The following KRT28 variants were observed in gnomAD, a reference collection of about 807,000 sequenced individuals.
KRT28 encodes the protein keratin 28, also known as keratin, type I cytoskeletal 28.
In KRT28, 45 loss-of-function variants were observed where a neutral mutation model predicts 48.1. That is an observed-to-expected ratio of 0.94 (90% confidence interval 0.74 to 1.20). The LOEUF is 1.20. Among genes scored for constraint, KRT28 ranks in the 50% most tolerant of loss-of-function variants. KRT28 has a pLI of 0.00. For missense variants in KRT28, 571 were observed against 574.1 expected (o/e 0.99, Z 0.06); for synonymous variants, 228 against 227.4 (o/e 1.00, Z -0.03).
chr17:40,798,316 C>G lies in KRT28; in HGVS notation c.609G>C (p.Leu203=), dbSNP rs979422095. The G allele has an allele frequency of 6.2e-7, 1 of 1,613,632 alleles. No individual in the cohort carries two copies. The highest frequency in any genetic ancestry group is 8.5e-7 in the Non-Finnish European group (1 of 1,179,720). The stretch of plus-strand genomic sequence containing the variant: ...GCTCCTGGTCGGTCCTGCAGAGCGT[C>G]AGCTCGTCCAGGACTCGCCGTAATC... ...INGLRRVLDE[L]TLCRTDQELQ... The change falls in exon 3 of 8, where the codon CTG becomes CTC. Residue 203 remains leucine, a synonymous_variant. Coordinates refer to ENST00000306658, the MANE Select transcript of KRT28 (RefSeq NM_181535.3).
In KRT28 at chr17:40,793,229, T is replaced by G; in HGVS notation, c.1197-19A>C. On this transcript the variant is annotated intron_variant, in intron 6 of 7. Coordinates refer to ENST00000306658, the MANE Select transcript of KRT28 (RefSeq NM_181535.3). ...GCATGAACTGTAAAAGAAATATAGT[T>G]TATTCTTTTATATTTCTGCTTACTA... is the stretch of plus-strand genomic sequence containing the variant. The G allele has an allele frequency of 6.9e-7, 1 of 1,445,544 alleles. No individual in the cohort carries two copies. Among genetic ancestry groups the G allele is most frequent in the Non-Finnish European group, 9.3e-7 (1 of 1,075,342 alleles). 89.5% of individuals were successfully genotyped at this position (1,445,544 alleles called of 1,614,324 possible). A position where few individuals can be genotyped will look rare whatever the true frequency, so the allele number is the denominator to read the frequency against.
chr17:40,794,614 T>G (rs1353610767), intron 5 of KRT28, among the ~76,000 whole-genome samples: 2 of 152,316 alleles, frequency 1.3e-5, no homozygotes, highest in Middle Eastern at 3.4e-3. Flanking sequence ...AAGAGCTATA[T>G]CTCATAACAC....
intron 7 of KRT28, 81 bp from the exon 8 acceptor site, chr17:40,792,650 T>C: frequency 9.6e-7 from 1 of 1,037,072 alleles, no homozygotes; most frequent in South Asian, 1.7e-5. Context: ...TATAATATAT[T>C]ATGCATATTT....
At position 40,798,235 on chromosome 17, in the gene KRT28, C is replaced by T; in HGVS notation, c.690G>A (p.Glu230=). Residue 230 remains glutamate, a splice_region_variant and synonymous_variant, in exon 3 of 8, where the codon GAG becomes GAA. Transcript: ENST00000306658. ...EMTYLKKNHE[E]EMKALQCAAG... ...GGACTACAGGTAAAGCTTCTCCTAC[C>T]TCTTCGTGGTTCTTTTTGAGATATG... The T allele has an allele frequency of 6.2e-7, 1 of 1,601,374 alleles. No individual in the cohort carries two copies. Among genetic ancestry groups the T allele is most frequent in the Non-Finnish European group, 8.6e-7 (1 of 1,169,306 alleles).
chr17:40,793,132 G>T (rs1022603664), intron 7 of KRT28, 23 bp downstream of exon 7: 4 of 1,478,520 alleles, frequency 2.7e-6, no homozygotes, highest in Non-Finnish European at 2.7e-6. Flanking sequence ...GAAAAGAAAA[G>T]AAATAGAACT....
intron 3 of KRT28, among the ~76,000 whole-genome samples, chr17:40,797,654 CAGG>C (rs565055366): frequency 3.2e-4 from 48 of 152,210 alleles, no homozygotes; most frequent in African/African-American, 1.2e-3. Flanking sequence ...GAGGCTGAGG[CAGG>C]AGAATTGCTT....
chr17:40,794,753 T>C (rs1904574183), intron 5 of KRT28, among the ~76,000 whole-genome samples: 1 of 152,254 alleles, frequency 6.6e-6, no homozygotes, highest in South Asian at 2.1e-4. Flanking sequence ...TTTCCCTTAT[T>C]ATAGATAAAT....
Position 40,797,206 on chromosome 17 carries a change from C to G in KRT28, c.766G>C (p.Ala256Pro). Reference protein sequence around the residue: ...EMNAAPGVDLAVLLNNMRAEY... With the variant: ...EMNAAPGVDLPVLLNNMRAEY... ...GCTCGCATGTTGTTCAACAAAACCG[C>G]GAGGTCTACCCCCGGGGCCGCGTTC... Residue 256 changes from alanine (A) to proline (P), a missense_variant, in exon 4 of 8, where the codon GCG becomes CCG. Ala to Pro is a conservative substitution (Grantham distance 27). Coordinates refer to ENST00000306658, the MANE Select transcript of KRT28 (RefSeq NM_181535.3). 6.2e-7 allele frequency: 1 copy of G among 1,614,148 alleles called. No individual in the cohort carries two copies. Among genetic ancestry groups the G allele is most frequent in the Non-Finnish European group, 8.5e-7 (1 of 1,180,018 alleles).
chr17:40,796,585 G>A (rs1904618056), intron 5 of KRT28, among the ~76,000 whole-genome samples: 1 of 152,186 alleles, frequency 6.6e-6, no homozygotes, highest in Non-Finnish European at 1.5e-5. Context: ...TCATAGACCT[G>A]TGGCTAATTT....
chr17:40,793,217 A>G lies in KRT28; in HGVS notation c.1197-7T>C. 2 of 1,524,032 alleles carry G rather than the reference A, an allele frequency of 1.3e-6. No individual in the cohort carries two copies. Among genetic ancestry groups the G allele is most frequent in the Non-Finnish European group, 8.9e-7 (1 of 1,128,944 alleles). The allele number at this position is 1,524,032 out of a possible 1,614,324, so 94.4% of individuals were successfully genotyped here. Reference sequence around the variant, plus strand: ...CTTTGATTTGGAGCATGAACTGTAAAAGAAATATAGTTTATTCTTTTATAT... The same window carrying G: ...CTTTGATTTGGAGCATGAACTGTAAGAGAAATATAGTTTATTCTTTTATAT... On this transcript the variant is annotated splice_region_variant and splice_polypyrimidine_tract_variant and intron_variant, in intron 6 of 7. Transcript: ENST00000306658.
Position 40,799,908 on chromosome 17 carries a change from T to C in KRT28, c.-15A>G, listed in dbSNP as rs1230164435. The C allele has an allele frequency of 1.3e-6, 2 of 1,581,260 alleles. No homozygotes were observed. The highest frequency in any genetic ancestry group is 3.4e-5 in the Admixed American group (2 of 59,512). ...TGGAGAGACATGGTGTTTTGAGAAA[T>C]GTTCACCTTGTCTATGCAAAACTGT... On this transcript the variant is annotated 5_prime_UTR_variant, in exon 1 of 8. Coordinates refer to ENST00000306658, the MANE Select transcript of KRT28 (RefSeq NM_181535.3).
chr17:40,799,051 T>C (rs753603928), intron 1 of KRT28, 52 bp from the exon 2 acceptor site: 1 of 1,079,604 alleles, frequency 9.3e-7, no homozygotes, highest in Admixed American at 2.3e-5. Flanking sequence ...TTTTATGTGA[T>C]TCATTATTTC....
At position 40,795,710 on chromosome 17, in the gene KRT28, A is replaced by G. The variant is rs185180964; in HGVS notation, c.978+1206T>C. Among the ~76,000 whole-genome samples the G allele has an allele frequency of 5.9e-5, 9 of 152,288 alleles. No homozygotes were observed. In the East Asian group the frequency reaches 1.7e-3, roughly 29 times the overall value. Reference sequence around the variant, plus strand: ...TAGTACCACTGGCTGCACAGACTCTAACTACTTTATAACATCCTTGTTTCT... The same window carrying G: ...TAGTACCACTGGCTGCACAGACTCTGACTACTTTATAACATCCTTGTTTCT... On this transcript the variant is annotated intron_variant, in intron 5 of 7. Coordinates refer to ENST00000306658, the MANE Select transcript of KRT28 (RefSeq NM_181535.3).
chr17:40,794,020 T>C lies in KRT28; in HGVS notation c.1005A>G (p.Thr335=), dbSNP rs2250671. 0.59 allele frequency: 955,685 copies of C among 1,613,664 alleles called. 286,845 individuals carry two copies. The highest frequency in any genetic ancestry group is 0.78 in the African/African-American group (58,326 of 74,942). The change falls in exon 6 of 8, where the codon ACA becomes ACG. Residue 335 remains threonine, a synonymous_variant. Transcript: ENST00000306658. ...GCGTACAGTAGTTGCTCTCGGTCTCTGTCAAGGAGCACTCCAGGGAGTGTT... is the reference window on the plus strand; with the variant it reads ...GCGTACAGTAGTTGCTCTCGGTCTCCGTCAAGGAGCACTCCAGGGAGTGTT... ...ATKHSLECSL[T]ETESNYCTQL...
In KRT28 at chr17:40,798,082, G is replaced by T. The variant is rs146657549; in HGVS notation, c.690+153C>A. 1.4e-3 allele frequency among the ~76,000 whole-genome samples: 220 copies of T among 152,230 alleles called. 3 individuals carry two copies. The highest frequency in any genetic ancestry group is 5.1e-3 in the African/African-American group (212 of 41,526). Reference sequence around the variant, plus strand: ...CATTGAAGCCTTTTAACATCCCCTCGTAGTAGGTAGTATTATTAGACTAAT... The same window carrying T: ...CATTGAAGCCTTTTAACATCCCCTCTTAGTAGGTAGTATTATTAGACTAAT... On this transcript the variant is annotated intron_variant, in intron 3 of 7. Coordinates refer to ENST00000306658, the MANE Select transcript of KRT28 (RefSeq NM_181535.3).
chr17:40,795,790 C>T (rs771806198), intron 5 of KRT28, among the ~76,000 whole-genome samples: 9 of 152,162 alleles, frequency 5.9e-5, no homozygotes, highest in Admixed American at 2.6e-4. Flanking sequence ...TTTCCATCAG[C>T]GTAGCTCAGA....
chr17:40,797,009 G>C lies in KRT28; in HGVS notation c.885C>G (p.Asp295Glu), dbSNP rs1470984933. The C allele has an allele frequency of 1.2e-6, 2 of 1,613,092 alleles. No individual in the cohort carries two copies. Among genetic ancestry groups the C allele is most frequent in the South Asian group, 1.1e-5 (1 of 91,026 alleles). ...TCCGGGCGAAAGTGGCTGCGCCTGA[G>C]TCGTGGGAGATCTGTTGCTGCAGCG... ...SASLQQQISH[D>E]SGAATFARSQ... Residue 295 changes from aspartate to glutamate, a missense_variant, in exon 5 of 8, where the codon GAC (aspartate) becomes GAG (glutamate). By Grantham distance (45) the Asp-to-Glu change is conservative. Coordinates refer to ENST00000306658, the MANE Select transcript of KRT28 (RefSeq NM_181535.3).
rs772171100 is a variant in KRT28, at chr17:40,798,328, G to C, written c.597C>G (p.Val199=). Residue 199 remains valine (V), a synonymous_variant, in exon 3 of 8, where the codon GTC becomes GTG. Transcript: ENST00000306658. ...VEADINGLRR[V]LDELTLCRTD... is the part of the protein sequence containing the mutation. ...TCCTGCAGAGCGTCAGCTCGTCCAG[G>C]ACTCGCCGTAATCCGTTGATGTCGG... The C allele has an allele frequency of 4.3e-6, 7 of 1,613,312 alleles. No homozygotes were observed. The African/African-American group carries it at 9.3e-5, about 22-fold the overall frequency.
chr17:40,797,176 A>G lies in KRT28; in HGVS notation c.796T>C (p.Tyr266His), dbSNP rs1280347999. ...AVLLNNMRAE[Y>H]EALAEQNRKD... is the part of the protein sequence containing the mutation. ...CGGTTCTGCTCTGCAAGGGCTTCGT[A>G]CTCCGCTCGCATGTTGTTCAACAAA... The change falls in exon 4 of 8, where the codon TAC becomes CAC. Residue 266 changes from tyrosine (Y) to histidine (H), a missense_variant. Coordinates refer to ENST00000306658, the MANE Select transcript of KRT28 (RefSeq NM_181535.3). 3.1e-6 allele frequency: 5 copies of G among 1,613,506 alleles called. No homozygotes were observed. In the South Asian group the frequency reaches 5.5e-5, roughly 18 times the overall value.
Sources: allele counts gnomAD v4.1 joint callset (sites outside exome capture counted in the v4.1 genomes callset), GRCh38; gene constraint gnomAD v4.1.1; transcripts MANE v1.5; gene names NCBI Gene and HGNC (gene_info 2026-07-23, HGNC 2026-07-21).